Variants in RNF150 observed in about 807,000 individuals in gnomAD.
RNF150 encodes ring finger protein 150.
In RNF150, 24 loss-of-function variants were observed where a neutral mutation model predicts 39.3. The ratio of observed to expected loss-of-function variants is 0.61; its 90% CI spans 0.44 to 0.86. The LOEUF is 0.86. Among genes scored for constraint, RNF150 ranks in the 40% least tolerant of loss-of-function variants. The pLI is 0.00. For missense variants in RNF150, 502 were observed against 587.8 expected (o/e 0.85, Z 1.51); for synonymous variants, 255 against 227.3 (o/e 1.12, Z -1.10).
chr4:141,099,615 A>C (rs1348275631), intron 1 of RNF150, among the ~76,000 whole-genome samples: 1 of 152,134 alleles, frequency 6.6e-6, no homozygotes, highest in Non-Finnish European at 1.5e-5. Flanking sequence ...TCTCCTGCTG[A>C]GAAACTAAAT....
chr4:141,031,434 C>G (rs941888863), intron 1 of RNF150, among the ~76,000 whole-genome samples: 1 of 151,834 alleles, frequency 6.6e-6, no homozygotes, highest in South Asian at 2.1e-4. Context: ...AGCTTCTGTA[C>G]AGCAAAAGAA....
At chr4:141,211,288 G>A (rs1269090673) in intron 1 of RNF150, among the ~76,000 whole-genome samples, 2 of 152,118 alleles carry the variant, frequency 1.3e-5, no homozygotes, top group Non-Finnish European at 2.9e-5. Flanking sequence ...ATAATTTAAA[G>A]TGTTTGGCTT....
intron 1 of RNF150, among the ~76,000 whole-genome samples, chr4:141,130,509 T>G (rs569370575): frequency 2.6e-5 from 4 of 152,236 alleles, no homozygotes; most frequent in African/African-American, 9.6e-5. Flanking sequence ...ATCTGCTTAG[T>G]GTTTTCTTTA....
chr4:140,991,623 A>T (rs1368893149), intron 1 of RNF150, among the ~76,000 whole-genome samples: 4 of 152,222 alleles, frequency 2.6e-5, no homozygotes, highest in Non-Finnish European at 5.9e-5. Flanking sequence ...AATACAGAAC[A>T]CTGAATGTCA....
chr4:140,959,071 G>A (rs998795213), intron 2 of RNF150, among the ~76,000 whole-genome samples: 3 of 151,928 alleles, frequency 2.0e-5, no homozygotes, highest in African/African-American at 7.3e-5. Flanking sequence ...TGCCTTGCTC[G>A]ACCACTGTTC....
intron 1 of RNF150, among the ~76,000 whole-genome samples, chr4:141,201,202 A>G (rs192556543): frequency 2.2e-4 from 34 of 152,032 alleles, no homozygotes; most frequent in Admixed American, 1.4e-3. Context: ...ATCTTTTCTT[A>G]TATCTGGATG....
chr4:141,175,952 A>G (rs1224163996), intron 1 of RNF150, among the ~76,000 whole-genome samples: 1 of 152,034 alleles, frequency 6.6e-6, no homozygotes, highest in Non-Finnish European at 1.5e-5. Context: ...AGGTGCGATC[A>G]CAGCTCATTG....
At chr4:141,024,149 C>T (rs1735603433) in intron 1 of RNF150, among the ~76,000 whole-genome samples, 1 of 152,102 alleles carries the variant, frequency 6.6e-6, no homozygotes, top group African/African-American at 2.4e-5. Context: ...TTAAGAAATA[C>T]AGCTTGTCAG....
intron 6 of RNF150, among the ~76,000 whole-genome samples, chr4:140,893,233 C>T (rs1729821783): frequency 6.7e-6 from 1 of 149,186 alleles, no homozygotes; most frequent in African/African-American, 2.5e-5. Context: ...CTAACTAGAG[C>T]AGACTGTAAT....
intron 1 of RNF150, among the ~76,000 whole-genome samples, chr4:141,113,426 C>G (rs1272765496): frequency 6.6e-6 from 1 of 150,664 alleles, no homozygotes; most frequent in Non-Finnish European, 1.5e-5. Flanking sequence ...CAAAGAAGGG[C>G]ATTACATAAC....
chr4:140,971,043 A>G (rs1308721983), intron 1 of RNF150, among the ~76,000 whole-genome samples: 2 of 152,124 alleles, frequency 1.3e-5, no homozygotes, highest in Admixed American at 6.6e-5. Flanking sequence ...AACAAAGTGG[A>G]TTTGGATGAA....
At chr4:141,115,752 C>T (rs1402625053) in intron 1 of RNF150, among the ~76,000 whole-genome samples, 1 of 152,140 alleles carries the variant, frequency 6.6e-6, no homozygotes, top group African/African-American at 2.4e-5. Flanking sequence ...TACTACAAGG[C>T]TACAGTAACC....
chr4:141,038,853 G>A (rs1736248265), intron 1 of RNF150, among the ~76,000 whole-genome samples: 1 of 152,140 alleles, frequency 6.6e-6, no homozygotes. Context: ...CTCAAGTGAG[G>A]CCCCCTAATG....
intron 6 of RNF150, among the ~76,000 whole-genome samples, chr4:140,891,404 T>C (rs1729748536): frequency 6.6e-6 from 1 of 152,102 alleles, no homozygotes; most frequent in Non-Finnish European, 1.5e-5. Context: ...CATGAAGTCA[T>C]ACAGGTCCAC....
At chr4:141,118,831 G>A (rs990094971) in intron 1 of RNF150, among the ~76,000 whole-genome samples, 1 of 152,096 alleles carries the variant, frequency 6.6e-6, no homozygotes, top group Non-Finnish European at 1.5e-5. Context: ...CTCGATCTCG[G>A]CTCACTACAA....
At chr4:141,176,840 T>G (rs1384516486) in intron 1 of RNF150, among the ~76,000 whole-genome samples, 1 of 151,836 alleles carries the variant, frequency 6.6e-6, no homozygotes, top group African/African-American at 2.4e-5. Flanking sequence ...CATATGAAAC[T>G]AGGAATATCA....
At chr4:141,066,686 C>T (rs1338279561) in intron 1 of RNF150, among the ~76,000 whole-genome samples, 29 of 152,092 alleles carry the variant, frequency 1.9e-4, no homozygotes, top group Admixed American at 6.5e-5. Context: ...TACACAAAAG[C>T]ACAAAACAAA....
At chr4:140,970,172 A>G (rs1332806545) in intron 1 of RNF150, among the ~76,000 whole-genome samples, 2 of 152,174 alleles carry the variant, frequency 1.3e-5, no homozygotes, top group East Asian at 3.9e-4. Context: ...TTATAGAAAT[A>G]CTCATCTAAA....
In RNF150 at chr4:141,040,167, C is replaced by CCACACACA. The variant is rs112615981; in HGVS notation, c.485-72302_485-72295dup. ...AGAACCCCGGGTGCTGGTAACACAA[C>CCACACACA]CACACACACACACACACATGTTGTA... On this transcript the variant is annotated intron_variant, in intron 1 of 6. Transcript: ENST00000515673. Among the ~76,000 whole-genome samples the CCACACACA allele has an allele frequency of 4.7e-4, 71 of 150,704 alleles. No homozygotes were observed. In the East Asian group the frequency reaches 0.013, roughly 28 times the overall value.
Sources: allele counts gnomAD v4.1 joint callset (sites outside exome capture counted in the v4.1 genomes callset), GRCh38; gene constraint gnomAD v4.1.1; transcripts MANE v1.5; gene names NCBI Gene and HGNC (gene_info 2026-07-23, HGNC 2026-07-21).